FAM107B: variants seen among roughly 807,000 people sequenced by gnomAD.
The protein encoded by FAM107B is family with sequence similarity 107 member B, also known as protein FAM107B.
In FAM107B, 21 loss-of-function variants were observed where a neutral mutation model predicts 31.5. That is an observed-to-expected ratio of 0.67 (90% confidence interval 0.47 to 0.96). The LOEUF (loss-of-function observed/expected upper bound fraction) is 0.96, where lower values mean the gene tolerates loss of function less well. Ranked by LOEUF, FAM107B falls within the 40% of genes least tolerant of loss-of-function variation. The pLI, the probability that FAM107B is intolerant of heterozygous loss-of-function variation, is 0.00. For synonymous variants in FAM107B, 157 were observed against 141.5 expected (o/e 1.11, Z -0.78); for missense variants, 452 against 377.1 (o/e 1.20, Z -1.64).
intron 2 of FAM107B, among the ~76,000 whole-genome samples, chr10:14,646,721 C>T (rs1588680423): frequency 6.7e-6 from 1 of 149,184 alleles, no homozygotes; most frequent in South Asian, 2.1e-4. Context: ...TAGATCTACT[C>T]TTAGTTCCTT....
chr10:14,711,971 C>T (rs7913807), intron 1 of FAM107B, among the ~76,000 whole-genome samples: 53,192 of 152,104 alleles, frequency 0.35, 10,547 homozygotes, highest in African/African-American at 0.55. Context: ...TGTTAAGTGA[C>T]GCAAGACTTT....
chr10:14,690,023 A>AAGGAAGGAAGGAAGGGAGGG, intron 1 of FAM107B, among the ~76,000 whole-genome samples: 1 of 68,064 alleles, frequency 1.5e-5, no homozygotes, highest in South Asian at 5.2e-4. Context: ...GGAAGGAAGG[A>AAGGAAGGAAGGAAGGGAGGG]AGGGAGGGAG....
intron 2 of FAM107B, among the ~76,000 whole-genome samples, chr10:14,532,990 G>C (rs10450543): frequency 2.2e-3 from 332 of 152,274 alleles, no homozygotes; most frequent in African/African-American, 7.4e-3. Context: ...GGCAAAGCGC[G>C]AGGCTGGCTG....
intron 2 of FAM107B, among the ~76,000 whole-genome samples, chr10:14,561,430 T>C (rs11259186): frequency 1.3e-5 from 2 of 152,070 alleles, no homozygotes; most frequent in African/African-American, 2.4e-5. Context: ...GTGAGGGACA[T>C]AGCCAAGGGC....
intron 1 of FAM107B, among the ~76,000 whole-genome samples, chr10:14,761,284 CTTG>C (rs1417460657): frequency 6.6e-6 from 1 of 152,068 alleles, no homozygotes; most frequent in East Asian, 1.9e-4. Context: ...CTTTGAGTCG[CTTG>C]TTGTTAGGCA....
chr10:14,754,441 G>A (rs959735672), intron 1 of FAM107B, among the ~76,000 whole-genome samples: 1 of 152,144 alleles, frequency 6.6e-6, no homozygotes, highest in African/African-American at 2.4e-5. Context: ...CCTTAAACAC[G>A]AGGACAACAG....
At chr10:14,631,030 G>T (rs1853341576) in intron 2 of FAM107B, among the ~76,000 whole-genome samples, 1 of 152,128 alleles carries the variant, frequency 6.6e-6, no homozygotes, top group Non-Finnish European at 1.5e-5. Context: ...AACAATGAAT[G>T]AAAAGCAAAC....
At chr10:14,535,291 C>G (rs1847492750) in intron 2 of FAM107B, among the ~76,000 whole-genome samples, 1 of 152,090 alleles carries the variant, frequency 6.6e-6, no homozygotes, top group African/African-American at 2.4e-5. Flanking sequence ...CCCAGCTCTC[C>G]TATGTGTAAA....
chr10:14,602,788 G>A (rs1012212398), intron 2 of FAM107B: 1 of 152,166 alleles, frequency 6.6e-6, no homozygotes, highest in Non-Finnish European at 1.5e-5. Flanking sequence ...AAATAAAGTG[G>A]AAATTTACAT....
At chr10:14,646,675 G>A (rs1420306151) in intron 2 of FAM107B, among the ~76,000 whole-genome samples, 1 of 151,940 alleles carries the variant, frequency 6.6e-6, no homozygotes, top group African/African-American at 2.4e-5. Flanking sequence ...TTTCCTTTGG[G>A]TGGGTACCCA....
At chr10:14,667,374 T>A (rs1397259469) in intron 2 of FAM107B, among the ~76,000 whole-genome samples, 1 of 152,252 alleles carries the variant, frequency 6.6e-6, no homozygotes, top group African/African-American at 2.4e-5. Context: ...CATCATCTAC[T>A]TCTTTGCAAG....
intron 2 of FAM107B, chr10:14,555,803 G>A (rs2131116680): frequency 6.6e-6 from 1 of 152,288 alleles, no homozygotes. Context: ...TTACCCCTCA[G>A]CATCAAAGTA....
chr10:14,723,357 G>C (rs527690441), intron 1 of FAM107B: 2 of 546,072 alleles, frequency 3.7e-6, no homozygotes, highest in Non-Finnish European at 7.2e-6. Context: ...TCAGGTGCTG[G>C]AGCAGTCGAT....
In FAM107B at chr10:14,695,453, G is replaced by A. The variant is rs191974251; in HGVS notation, c.412-27762C>T. ...TGTTATGCCTCCAGTTCTTTCTGAAGACAGCTTTGGCTATTTGGGTTCATT... is the reference window on the plus strand; with the variant it reads ...TGTTATGCCTCCAGTTCTTTCTGAAAACAGCTTTGGCTATTTGGGTTCATT... On this transcript the variant is annotated intron_variant, in intron 1 of 4. Coordinates refer to ENST00000181796, the MANE Select transcript of FAM107B (RefSeq NM_031453.4). Among the ~76,000 whole-genome samples the A allele has an allele frequency of 7.9e-5, 12 of 152,226 alleles. No individual in the cohort carries two copies. In the East Asian group the frequency reaches 2.3e-3, roughly 29 times the overall value.
intron 2 of FAM107B, among the ~76,000 whole-genome samples, chr10:14,581,915 T>C (rs935977054): frequency 4.6e-5 from 7 of 152,014 alleles, no homozygotes; most frequent in Admixed American, 3.9e-4. Context: ...CTCAAAAAAA[T>C]AAAATAAATA....
chr10:14,703,247 AG>A, intron 1 of FAM107B, among the ~76,000 whole-genome samples: 1 of 151,978 alleles, frequency 6.6e-6, no homozygotes, highest in African/African-American at 2.4e-5. Context: ...GAACCCTCCA[AG>A]GGCAAAGGGA....
chr10:14,581,212 G>T (rs112879378), intron 2 of FAM107B, among the ~76,000 whole-genome samples: 2 of 152,166 alleles, frequency 1.3e-5, no homozygotes, highest in African/African-American at 4.8e-5. Context: ...GTCAGATGTC[G>T]CATTTATAAA....
chr10:14,532,392 G>C (rs1847116925), intron 2 of FAM107B, among the ~76,000 whole-genome samples: 1 of 152,044 alleles, frequency 6.6e-6, no homozygotes, highest in Admixed American at 6.5e-5. Context: ...AAATCCAAAG[G>C]CTAAGTCAAC....
intron 2 of FAM107B, among the ~76,000 whole-genome samples, chr10:14,552,543 G>A (rs1253148613): frequency 2.0e-5 from 3 of 151,952 alleles, no homozygotes; most frequent in Non-Finnish European, 4.4e-5. Context: ...ACTGTGATAA[G>A]TTCATTATTT....
Sources: gnomAD v4.1 joint callset for allele counts (sites outside exome capture counted in the v4.1 genomes callset) on GRCh38, gnomAD v4.1.1 for gene constraint, MANE v1.5 for transcripts, NCBI Gene and HGNC (gene_info 2026-07-23, HGNC 2026-07-21) for gene names.